TRIP12: variants seen among roughly 807,000 people sequenced by gnomAD.
TRIP12 encodes the protein thyroid hormone receptor interactor 12.
A neutral mutation model predicts 244.2 loss-of-function variants in TRIP12; 25 were observed. That is an observed-to-expected ratio of 0.10 (90% CI 0.07 to 0.14). TRIP12 has a LOEUF of 0.14. Ranked by LOEUF, TRIP12 falls within the 10% of genes least tolerant of loss-of-function variation. The pLI, the probability that TRIP12 is intolerant of heterozygous loss-of-function variation, is 1.00. For synonymous variants in TRIP12, 905 were observed against 873.1 expected, an observed-to-expected ratio of 1.04 and a Z score of -0.64; for missense variants, 1,677 against 2,486.4, an observed-to-expected ratio of 0.67 and a Z score of 6.92.
At chr2:229,790,430 C>T (rs867946977) in intron 30 of TRIP12, among the ~76,000 whole-genome samples, 2 of 150,648 alleles carry the variant, frequency 1.3e-5, no homozygotes, top group South Asian at 4.2e-4. Flanking sequence ...CCTTTTATAT[C>T]GAACAAACTT....
rs1184331055 is a variant in TRIP12 at position 229,774,156 on chromosome 2, G to A, written c.5635C>T (p.Leu1879=). The A allele has an allele frequency of 6.2e-7, 1 of 1,614,052 alleles. No homozygotes were observed. Among genetic ancestry groups the A allele is most frequent in the Admixed American group, 1.7e-5 (1 of 60,016 alleles). The stretch of plus-strand genomic sequence containing the variant: ...GGTATATCCTTCCCTCCTTTCTTCA[G>A]TTCGATATTGGGAAACCCTGGCAGA... The part of the protein sequence containing the change: ...FTLPGFPNIE[L]KKGGKDIPVT... The change falls in exon 38 of 42, where the codon CTG becomes TTG. Residue 1879 remains leucine (L), a synonymous_variant. Transcript: ENST00000675903.
chr2:229,771,435 C>A, intron 39 of TRIP12, 84 bp downstream of exon 39: 1 of 1,208,236 alleles, frequency 8.3e-7, no homozygotes, highest in Non-Finnish European at 1.2e-6. Context: ...TTTTGTGCAA[C>A]AATACGGTCT....
intron 1 of TRIP12, among the ~76,000 whole-genome samples, chr2:229,882,010 C>A (rs2064989667): frequency 6.6e-6 from 1 of 152,226 alleles, no homozygotes; most frequent in African/African-American, 2.4e-5. Context: ...TCAAGTCAAA[C>A]TGTCTCTGCC....
chr2:229,863,560 C>A (rs1483305783), intron 2 of TRIP12, among the ~76,000 whole-genome samples: 6 of 152,106 alleles, frequency 3.9e-5, no homozygotes, highest in Admixed American at 6.6e-5. Flanking sequence ...CAGATTCAGC[C>A]CATGCGCTAT....
intron 20 of TRIP12, 42 bp from the exon 21 acceptor site, chr2:229,802,501 G>T: frequency 6.8e-7 from 1 of 1,476,916 alleles, no homozygotes; most frequent in Non-Finnish European, 9.3e-7. Context: ...TTTTAATCAG[G>T]AGTAGAACCT....
chr2:229,821,089 T>G (rs768483718), intron 8 of TRIP12, among the ~76,000 whole-genome samples: 3 of 152,136 alleles, frequency 2.0e-5, no homozygotes, highest in Admixed American at 6.6e-5. Flanking sequence ...GTCTTGGGAG[T>G]AAAGACCTAA....
chr2:229,870,849 C>T (rs1476785130), intron 2 of TRIP12, among the ~76,000 whole-genome samples: 3 of 152,100 alleles, frequency 2.0e-5, no homozygotes, highest in Admixed American at 6.6e-5. Flanking sequence ...CTGAGTCCTT[C>T]TTGAGTGTGG....
chr2:229,891,623 A>G (rs1455738500), intron 1 of TRIP12, among the ~76,000 whole-genome samples: 1 of 152,192 alleles, frequency 6.6e-6, no homozygotes, highest in East Asian at 1.9e-4. Flanking sequence ...AAACAAAAAC[A>G]CCAAAAGAAA....
intron 4 of TRIP12, among the ~76,000 whole-genome samples, chr2:229,849,195 T>G (rs1397183624): frequency 6.6e-6 from 1 of 152,034 alleles, no homozygotes; most frequent in Admixed American, 6.5e-5. Flanking sequence ...CATGGGAAAG[T>G]AAGGAAAACA....
At position 229,792,234 on chromosome 2, in the gene TRIP12, C is replaced by T; in HGVS notation, c.4142-8G>A. 1 of 1,613,034 alleles carries T rather than the reference C, an allele frequency of 6.2e-7. No individual in the cohort carries two copies. The highest frequency in any genetic ancestry group is 8.5e-7 in the Non-Finnish European group (1 of 1,179,674). ...CTCTTACTCTTCCATACCCTGAAGA[C>T]CCAAGTAGACTTTTAAACTCTTAGC... is the stretch of plus-strand genomic sequence containing the variant. On this transcript the variant is annotated splice_polypyrimidine_tract_variant and splice_region_variant and intron_variant, in intron 27 of 41. Coordinates refer to ENST00000675903, the MANE Select transcript of TRIP12 (RefSeq NM_001348323.3).
intron 1 of TRIP12, among the ~76,000 whole-genome samples, chr2:229,882,092 C>T (rs779958484): frequency 5.1e-4 from 78 of 152,288 alleles, no homozygotes; most frequent in Non-Finnish European, 1.0e-3. Flanking sequence ...TGCATACATA[C>T]TTCCCCCTGT....
intron 41 of TRIP12, 143 bp from the exon 42 acceptor site, chr2:229,767,893 G>A (rs1327909997): frequency 1.3e-6 from 1 of 792,252 alleles, no homozygotes; most frequent in Non-Finnish European, 1.9e-6. Flanking sequence ...TATACATTAA[G>A]TGCAAGGAAC....
chr2:229,894,213 A>G (rs566158904), intron 1 of TRIP12: 2 of 152,190 alleles, frequency 1.3e-5, no homozygotes, highest in African/African-American at 4.8e-5. Context: ...TATTGTTCTA[A>G]TACGTATTTC....
intron 17 of TRIP12, among the ~76,000 whole-genome samples, chr2:229,806,448 C>CA (rs1426468501): frequency 2.6e-5 from 4 of 152,192 alleles, no homozygotes; most frequent in Non-Finnish European, 4.4e-5. Context: ...GTTCAATTAG[C>CA]ACAGTTTGAC....
chr2:229,906,142 T>C (rs568724229), intron 1 of TRIP12, among the ~76,000 whole-genome samples: 2 of 151,616 alleles, frequency 1.3e-5, no homozygotes, highest in East Asian at 3.9e-4. Context: ...CTGTCTCTAC[T>C]AAAAATACAA....
chr2:229,777,246 CTATT>C, intron 37 of TRIP12, 65 bp downstream of exon 37: 1 of 1,496,750 alleles, frequency 6.7e-7, no homozygotes, highest in South Asian at 1.2e-5. Flanking sequence ...CAAATACAAA[CTATT>C]TAACAAAAGC....
intron 6 of TRIP12, among the ~76,000 whole-genome samples, chr2:229,835,734 C>T (rs927034497): frequency 1.3e-5 from 2 of 152,194 alleles, no homozygotes; most frequent in Admixed American, 1.3e-4. Flanking sequence ...GCCTGCAGCT[C>T]CTTTTCTGTT....
chr2:229,767,618 T>G lies in TRIP12; in HGVS notation c.6140A>C (p.Glu2047Ala). The change falls in exon 42 of 42, where the codon GAG becomes GCG. Residue 2047 changes from glutamate (E) to alanine (A), a missense_variant. Glu to Ala is a moderately radical substitution (Grantham distance 107). Transcript: ENST00000675903. ...YLKLPDYSSIEIMREKLLIAA... is the reference protein window; with the variant it reads ...YLKLPDYSSIAIMREKLLIAA... ...TATCAACAGTTTTTCACGCATTATCTCAATGCTTGAATAGTCCGGCAACTT... is the reference window on the plus strand; with the variant it reads ...TATCAACAGTTTTTCACGCATTATCGCAATGCTTGAATAGTCCGGCAACTT... 6.2e-7 allele frequency: 1 copy of G among 1,614,110 alleles called. No individual in the cohort carries two copies. The highest frequency in any genetic ancestry group is 8.5e-7 in the Non-Finnish European group (1 of 1,179,980).
chr2:229,832,305 C>T lies in TRIP12; in HGVS notation c.1271-1466G>A, dbSNP rs573631012. ...ACTCATTCATTTACAAGTCTGTGGC[C>T]GCTTTCACGCTATAATTACAGAATT... On this transcript the variant is annotated intron_variant, in intron 6 of 41. Coordinates refer to ENST00000675903, the MANE Select transcript of TRIP12 (RefSeq NM_001348323.3). Among the ~76,000 whole-genome samples, 49 of 152,270 alleles carry T rather than the reference C, an allele frequency of 3.2e-4. No homozygotes were observed. In the South Asian group the frequency reaches 7.9e-3, roughly 24 times the overall value.
Sources: allele counts gnomAD v4.1 joint callset (sites outside exome capture counted in the v4.1 genomes callset), GRCh38; gene constraint gnomAD v4.1.1; transcripts MANE v1.5; gene names NCBI Gene and HGNC (gene_info 2026-07-23, HGNC 2026-07-21).